The following GPBP1 variants were observed in gnomAD, a reference collection of about 807,000 sequenced individuals.
GPBP1 encodes the protein vasculin.
GPBP1 carries 13 observed loss-of-function variants against 56.5 expected under a neutral mutation model. The ratio of observed to expected loss-of-function variants is 0.23; its 90% confidence interval spans 0.15 to 0.37. GPBP1 has a LOEUF of 0.37. Among genes scored for constraint, GPBP1 ranks in the 10% least tolerant of loss-of-function variants. The pLI is 1.00. For synonymous variants in GPBP1, 204 were observed against 188.9 expected, an observed-to-expected ratio of 1.08 and a Z score of -0.66; for missense variants, 477 against 572.3, an observed-to-expected ratio of 0.83 and a Z score of 1.70.
chr5:57,204,282 C>T (rs550051087), intron 2 of GPBP1, among the ~76,000 whole-genome samples: 1 of 151,864 alleles, frequency 6.6e-6, no homozygotes, highest in East Asian at 1.9e-4. Flanking sequence ...GTCAGTCTGG[C>T]TCTGTCGCCC....
chr5:57,181,164 T>G (rs577089652), intron 2 of GPBP1, among the ~76,000 whole-genome samples: 1 of 152,136 alleles, frequency 6.6e-6, no homozygotes, highest in East Asian at 1.9e-4. Context: ...CAAGACTGTC[T>G]CTCTACAAAA....
chr5:57,245,201 C>CT (rs1285885302), intron 6 of GPBP1, among the ~76,000 whole-genome samples: 1 of 152,158 alleles, frequency 6.6e-6, no homozygotes, highest in Non-Finnish European at 1.5e-5. Context: ...AATCTTTACC[C>CT]TAGTAAGTCA....
At chr5:57,206,165 ATTTTC>A in intron 2 of GPBP1, among the ~76,000 whole-genome samples, 1 of 152,002 alleles carries the variant, frequency 6.6e-6, no homozygotes, top group African/African-American at 2.4e-5. Context: ...AGGTGCATAT[ATTTTC>A]TTCTGTCAGT....
intron 3 of GPBP1, among the ~76,000 whole-genome samples, chr5:57,223,395 C>G (rs1167359007): frequency 6.6e-6 from 1 of 152,016 alleles, no homozygotes; most frequent in Admixed American, 6.6e-5. Flanking sequence ...GCCTCTATAA[C>G]TGTTTTCTTT....
intron 3 of GPBP1, among the ~76,000 whole-genome samples, chr5:57,224,625 G>A (rs1310368758): frequency 6.6e-6 from 1 of 152,054 alleles, no homozygotes; most frequent in African/African-American, 2.4e-5. Flanking sequence ...TTTTTGTAGA[G>A]ATGGGGTCTT....
chr5:57,176,677 A>G (rs746314262), intron 2 of GPBP1, among the ~76,000 whole-genome samples: 1 of 152,210 alleles, frequency 6.6e-6, no homozygotes, highest in Non-Finnish European at 1.5e-5. Flanking sequence ...TATGGCCGGT[A>G]TATATTGCCT....
At chr5:57,185,954 T>TA (rs113616606) in intron 2 of GPBP1, among the ~76,000 whole-genome samples, 2,880 of 145,892 alleles carry the variant, frequency 0.02, 67 homozygotes, top group African/African-American at 0.054. Flanking sequence ...AACCTTGTCT[T>TA]AAAAAAAAAA....
intron 6 of GPBP1, chr5:57,237,292 A>G: frequency 1.3e-6 from 1 of 760,272 alleles, no homozygotes. Context: ...TTTGATTAGA[A>G]TGAAAGTTTT....
chr5:57,243,642 T>A (rs1740937212), intron 6 of GPBP1, among the ~76,000 whole-genome samples: 1 of 151,372 alleles, frequency 6.6e-6, no homozygotes, highest in East Asian at 1.9e-4. Context: ...ATATTGAGGC[T>A]TAAAGATAGT....
At chr5:57,199,267 A>T (rs547368744) in intron 2 of GPBP1, among the ~76,000 whole-genome samples, 1 of 149,566 alleles carries the variant, frequency 6.7e-6, no homozygotes, top group African/African-American at 2.4e-5. Context: ...CATAGTGGTT[A>T]TTTAGTTTCT....
intron 10 of GPBP1, among the ~76,000 whole-genome samples, chr5:57,256,382 T>C (rs1198637921): frequency 4.7e-5 from 7 of 150,106 alleles, no homozygotes; most frequent in African/African-American, 1.7e-4. Context: ...ATGATTATTT[T>C]AGTATATATG....
intron 6 of GPBP1, among the ~76,000 whole-genome samples, chr5:57,238,480 C>G (rs945132227): frequency 1.3e-5 from 2 of 152,108 alleles, no homozygotes; most frequent in South Asian, 4.1e-4. Flanking sequence ...ATCGCTTGAA[C>G]CTGGGAGGCA....
chr5:57,224,567 T>C (rs937852051), intron 3 of GPBP1, among the ~76,000 whole-genome samples: 7 of 152,176 alleles, frequency 4.6e-5, no homozygotes, highest in African/African-American at 1.7e-4. Context: ...CTAGTCAGCC[T>C]TTCAAGTAGC....
In GPBP1 at chr5:57,262,762, T is replaced by C; in HGVS notation, c.*10T>C. The C allele has an allele frequency of 6.2e-7, 1 of 1,608,836 alleles. No homozygotes were observed. Among genetic ancestry groups the C allele is most frequent in the Non-Finnish European group, 8.5e-7 (1 of 1,175,910 alleles). On this transcript the variant is annotated 3_prime_UTR_variant, in exon 12 of 12. Transcript: ENST00000506184. ...TGACGACGATGTGTGAAGGATTTCC[T>C]AACAGCTTTAGAAATCTTAGTGTGA...
At chr5:57,245,165 CT>C (rs987747870) in intron 6 of GPBP1, among the ~76,000 whole-genome samples, 1 of 152,080 alleles carries the variant, frequency 6.6e-6, no homozygotes, top group African/African-American at 2.4e-5. Context: ...TTATATTGGG[CT>C]TTTTTTAGAC....
chr5:57,181,159 CTG>C (rs1478632984), intron 2 of GPBP1, among the ~76,000 whole-genome samples: 1 of 152,168 alleles, frequency 6.6e-6, no homozygotes, highest in Non-Finnish European at 1.5e-5. Context: ...CATAACAAGA[CTG>C]TCTCTCTACA....
chr5:57,184,214 A>G (rs970926276), intron 2 of GPBP1, among the ~76,000 whole-genome samples: 15 of 152,174 alleles, frequency 9.9e-5, no homozygotes, highest in African/African-American at 3.6e-4. Flanking sequence ...CCTGGGTGAC[A>G]GATTGAGACA....
chr5:57,261,586 G>A (rs1741895507), intron 11 of GPBP1, among the ~76,000 whole-genome samples: 1 of 152,114 alleles, frequency 6.6e-6, no homozygotes, highest in South Asian at 2.1e-4. Flanking sequence ...TTAAACTATT[G>A]GGTGTGCAAT....
chr5:57,179,585 C>G (rs1371374849), intron 2 of GPBP1, among the ~76,000 whole-genome samples: 2 of 151,936 alleles, frequency 1.3e-5, no homozygotes, highest in Non-Finnish European at 2.9e-5. Context: ...TTTACCTTGT[C>G]TTTTTTTTGT....
Sources: allele counts gnomAD v4.1 joint callset (sites outside exome capture counted in the v4.1 genomes callset), GRCh38; gene constraint gnomAD v4.1.1; transcripts MANE v1.5; gene names NCBI Gene and HGNC (gene_info 2026-07-23, HGNC 2026-07-21).